Variants in OSBPL8 observed in about 807,000 individuals in gnomAD.
OSBPL8 encodes oxysterol binding protein like 8, also known as oxysterol-binding protein-related protein 8.
Under a neutral mutation model 125.5 loss-of-function variants are expected in OSBPL8, and 59 were observed. The ratio of observed to expected loss-of-function variants is 0.47; its 90% CI spans 0.38 to 0.58. The LOEUF (loss-of-function observed/expected upper bound fraction) is 0.58. Among genes scored for constraint, OSBPL8 ranks in the 20% least tolerant of loss-of-function variants. OSBPL8 has a pLI of 0.00. For synonymous variants in OSBPL8, 330 were observed against 338.9 expected (o/e 0.97, Z 0.29); for missense variants, 758 against 1,047.8 (o/e 0.72, Z 3.82).
At chr12:76,461,832 T>C (rs1189903762) in intron 2 of OSBPL8, among the ~76,000 whole-genome samples, 1 of 152,214 alleles carries the variant, frequency 6.6e-6, no homozygotes, top group Non-Finnish European at 1.5e-5. Flanking sequence ...CTAGCTAAGC[T>C]ACTCTTGGAT....
intron 1 of OSBPL8, among the ~76,000 whole-genome samples, chr12:76,552,673 G>C (rs1950979361): frequency 2.0e-5 from 3 of 152,066 alleles, no homozygotes; most frequent in African/African-American, 7.2e-5. Flanking sequence ...AACTCACAGA[G>C]TGCTATCTCT....
At chr12:76,390,153 G>A in intron 11 of OSBPL8, 1 of 426,254 alleles carries the variant, frequency 2.3e-6, no homozygotes, top group South Asian at 6.0e-5. Context: ...TTTGCACCTG[G>A]CAATGACATC....
chr12:76,377,266 T>G (rs549377294), intron 16 of OSBPL8, among the ~76,000 whole-genome samples: 2 of 152,224 alleles, frequency 1.3e-5, no homozygotes, highest in Non-Finnish European at 2.9e-5. Flanking sequence ...AGCAGAATAA[T>G]GTATAACCCT....
chr12:76,415,678 A>C (rs540975220), intron 4 of OSBPL8, among the ~76,000 whole-genome samples: 2 of 152,230 alleles, frequency 1.3e-5, no homozygotes, highest in African/African-American at 4.8e-5. Context: ...ATCAGCATAC[A>C]AAAGTTCACA....
Position 76,386,261 on chromosome 12 carries a change from C to G in OSBPL8, c.1440G>C (p.Leu480=). The G allele has an allele frequency of 6.4e-7, 1 of 1,556,904 alleles. No homozygotes were observed. Among genetic ancestry groups the G allele is most frequent in the Non-Finnish European group, 8.6e-7 (1 of 1,160,340 alleles). ...CAAGTATAGGATTATAAGGTTTCTT[C>G]AGTCCCTGGTAAAAAAAAAAAAAAG... ...LSGFYKKPKG[L]KKPYNPILGE... The change falls in exon 14 of 24, where the codon CTG becomes CTC. Residue 480 remains leucine, a synonymous_variant. Transcript: ENST00000261183.
At chr12:76,380,177 G>A (rs1952983759) in intron 15 of OSBPL8, among the ~76,000 whole-genome samples, 1 of 152,170 alleles carries the variant, frequency 6.6e-6, no homozygotes, top group Admixed American at 6.5e-5. Flanking sequence ...AGCCTGCTTA[G>A]ATTATGATTA....
chr12:76,422,792 GAGA>G (rs1276323787), intron 4 of OSBPL8: 3 of 294,286 alleles, frequency 1.0e-5, no homozygotes, highest in African/African-American at 2.2e-5. Flanking sequence ...AACAGCAAAG[GAGA>G]AGGACCAAAG....
intron 1 of OSBPL8, among the ~76,000 whole-genome samples, chr12:76,522,249 A>G (rs1882133245): frequency 6.6e-6 from 1 of 152,134 alleles, no homozygotes; most frequent in African/African-American, 2.4e-5. Flanking sequence ...TCATGAATTA[A>G]CTAGTTCTAG....
At chr12:76,445,574 T>C (rs1250170021) in intron 4 of OSBPL8, among the ~76,000 whole-genome samples, 1 of 152,092 alleles carries the variant, frequency 6.6e-6, no homozygotes, top group Non-Finnish European at 1.5e-5. Context: ...AAATGATACT[T>C]TGCAAAAAGA....
At chr12:76,556,137 T>C (rs192084265) in intron 1 of OSBPL8, among the ~76,000 whole-genome samples, 1 of 152,310 alleles carries the variant, frequency 6.6e-6, no homozygotes, top group African/African-American at 2.4e-5. Context: ...GATACTCCTT[T>C]TGTTCTCCAG....
intron 4 of OSBPL8, among the ~76,000 whole-genome samples, chr12:76,426,565 G>A (rs900388870): frequency 6.6e-6 from 1 of 152,154 alleles, no homozygotes; most frequent in African/African-American, 2.4e-5. Flanking sequence ...AAGAGATAAG[G>A]ATCAGGAGAT....
chr12:76,366,786 G>GTTTGT (rs546212257), intron 21 of OSBPL8, among the ~76,000 whole-genome samples: 10 of 151,348 alleles, frequency 6.6e-5, no homozygotes, highest in Admixed American at 4.0e-4. Context: ...GACCCATTGA[G>GTTTGT]TTTGTTTTGT....
At chr12:76,508,242 C>T (rs1309558543) in intron 1 of OSBPL8, among the ~76,000 whole-genome samples, 1 of 151,944 alleles carries the variant, frequency 6.6e-6, no homozygotes, top group Non-Finnish European at 1.5e-5. Context: ...TTTCACTCTG[C>T]AATTTTGACT....
chr12:76,522,036 T>C (rs1054307529), intron 1 of OSBPL8, among the ~76,000 whole-genome samples: 14 of 152,194 alleles, frequency 9.2e-5, no homozygotes, highest in South Asian at 2.1e-4. Context: ...TGAGGACATA[T>C]TAACTTGCCT....
chr12:76,503,320 A>C (rs1224112670), intron 1 of OSBPL8, among the ~76,000 whole-genome samples: 1 of 152,186 alleles, frequency 6.6e-6, no homozygotes, highest in Non-Finnish European at 1.5e-5. Flanking sequence ...TTTCTCCCAG[A>C]GATTTCACAT....
chr12:76,455,876 T>A lies in OSBPL8; in HGVS notation c.79+3983A>T, dbSNP rs1423393837. Among the ~76,000 whole-genome samples the A allele has an allele frequency of 3.9e-5, 6 of 152,216 alleles. No homozygotes were observed. In the East Asian group the frequency reaches 9.6e-4, roughly 24 times the overall value. ...ACTGAATAGATATTTGGCAAATGAA[T>A]CACTGTGTGACTCCAGTGCAGTTTC... On this transcript the variant is annotated intron_variant, in intron 3 of 23. Coordinates refer to ENST00000261183, the MANE Select transcript of OSBPL8 (RefSeq NM_020841.5).
chr12:76,478,390 G>C (rs1311898816), intron 2 of OSBPL8, among the ~76,000 whole-genome samples: 1 of 152,114 alleles, frequency 6.6e-6, no homozygotes, highest in Non-Finnish European at 1.5e-5. Context: ...AAGGGTCTTA[G>C]AGAGTCTCAG....
chr12:76,442,743 T>C (rs1471977809), intron 4 of OSBPL8, among the ~76,000 whole-genome samples: 1 of 152,210 alleles, frequency 6.6e-6, no homozygotes, highest in African/African-American at 2.4e-5. Flanking sequence ...AGAAATGTCT[T>C]AACAAGACAG....
chr12:76,360,394 AC>A (rs1466046193), intron 21 of OSBPL8, among the ~76,000 whole-genome samples: 2 of 152,176 alleles, frequency 1.3e-5, no homozygotes, highest in Non-Finnish European at 2.9e-5. Flanking sequence ...GGGCAGCTCC[AC>A]CCTTGTGGCT....
Sources: gnomAD v4.1 joint callset for allele counts (sites outside exome capture counted in the v4.1 genomes callset) on GRCh38, gnomAD v4.1.1 for gene constraint, MANE v1.5 for transcripts, NCBI Gene and HGNC (gene_info 2026-07-23, HGNC 2026-07-21) for gene names.